CSMD1: variants seen among roughly 807,000 people sequenced by gnomAD.
CSMD1 encodes the protein CUB and sushi domain-containing protein 1.
A neutral mutation model predicts 417.5 loss-of-function variants in CSMD1; 213 were observed. That is an observed-to-expected ratio of 0.51 (90% CI 0.46 to 0.57). CSMD1 has a LOEUF of 0.57. CSMD1 is among the 20% of genes least tolerant of loss of function. The pLI is 0.00. For synonymous variants in CSMD1, 2,862 were observed against 1,736.8 expected (o/e 1.65, Z -16.11); for missense variants, 6,923 against 4,529.7 (o/e 1.53, Z -15.17).
intron 5 of CSMD1, among the ~76,000 whole-genome samples, chr8:3,941,828 C>T (rs998609035): frequency 2.0e-5 from 3 of 152,096 alleles, no homozygotes; most frequent in Admixed American, 6.6e-5. Flanking sequence ...AAAAATATAG[C>T]GCAATTCCTT....
intron 2 of CSMD1, among the ~76,000 whole-genome samples, chr8:4,450,888 G>T (rs548038829): frequency 3.9e-5 from 6 of 151,978 alleles, no homozygotes; most frequent in African/African-American, 1.5e-4. Context: ...ACCAGATTGC[G>T]CTAATATAAA....
intron 7 of CSMD1, among the ~76,000 whole-genome samples, chr8:3,659,406 T>A (rs1243605456): frequency 6.6e-6 from 1 of 152,230 alleles, no homozygotes; most frequent in Non-Finnish European, 1.5e-5. Flanking sequence ...GTAACGGGTC[T>A]CAGTGTTTAG....
At chr8:4,771,021 T>G (rs1316499664) in intron 1 of CSMD1, among the ~76,000 whole-genome samples, 2 of 152,152 alleles carry the variant, frequency 1.3e-5, no homozygotes, top group Non-Finnish European at 2.9e-5. Flanking sequence ...AAAAGGCAAC[T>G]TACAGATTCA....
intron 23 of CSMD1, among the ~76,000 whole-genome samples, chr8:3,313,172 G>A (rs973239354): frequency 1.3e-5 from 2 of 152,140 alleles, no homozygotes; most frequent in African/African-American, 4.8e-5. Flanking sequence ...AACTCTAGAA[G>A]AAAACCTAGG....
chr8:3,677,635 C>A (rs1228138220), intron 7 of CSMD1, among the ~76,000 whole-genome samples: 1 of 152,146 alleles, frequency 6.6e-6, no homozygotes, highest in Non-Finnish European at 1.5e-5. Flanking sequence ...TAAGCAAAAC[C>A]TCCAGCTATT....
intron 7 of CSMD1, among the ~76,000 whole-genome samples, chr8:3,707,569 G>C (rs964655041): frequency 2.0e-5 from 3 of 152,174 alleles, no homozygotes; most frequent in Admixed American, 6.5e-5. Context: ...CTCATCTCTC[G>C]TTTGTAAGAA....
Position 4,113,693 on chromosome 8 carries a change from C to G in CSMD1, c.416-81594G>C, listed in dbSNP as rs558356524. Among the ~76,000 whole-genome samples the G allele has an allele frequency of 3.6e-3, 555 of 152,200 alleles. 7 individuals carry two copies. Among genetic ancestry groups the G allele is most frequent in the Non-Finnish European group, 3.0e-3 (204 of 68,010 alleles). ...TGCTAGGATTACAGGCATGAGCCAC[C>G]GCGCCCAGCCAGTGCTACTCTTATA... On this transcript the variant is annotated intron_variant, in intron 3 of 69. Coordinates refer to ENST00000635120, the MANE Select transcript of CSMD1 (RefSeq NM_033225.6).
chr8:3,466,752 G>A (rs1056990223), intron 12 of CSMD1, among the ~76,000 whole-genome samples: 2 of 151,798 alleles, frequency 1.3e-5, no homozygotes, highest in African/African-American at 4.8e-5. Flanking sequence ...TATAATTTAT[G>A]AATAACTTTG....
At chr8:3,916,139 A>G (rs1808812519) in intron 5 of CSMD1, among the ~76,000 whole-genome samples, 1 of 152,096 alleles carries the variant, frequency 6.6e-6, no homozygotes, top group Admixed American at 6.6e-5. Context: ...TTTCAGTGAA[A>G]AAAAATGCTA....
chr8:3,834,949 C>T (rs528969281), intron 5 of CSMD1, among the ~76,000 whole-genome samples: 15 of 151,928 alleles, frequency 9.9e-5, no homozygotes, highest in African/African-American at 3.6e-4. Flanking sequence ...TTTAGGCAGT[C>T]AAAAAACACA....
chr8:4,217,757 G>A (rs3849841), intron 3 of CSMD1, among the ~76,000 whole-genome samples: 55,569 of 151,970 alleles, frequency 0.37, 10,719 homozygotes, highest in Admixed American at 0.53. Flanking sequence ...ATAGGATACT[G>A]GAACATTTAG....
At position 4,425,830 on chromosome 8, in the gene CSMD1, G is replaced by A. The variant is rs1158302079; in HGVS notation, c.303-5765C>T. Among the ~76,000 whole-genome samples, 3 of 151,876 alleles carry A rather than the reference G, an allele frequency of 2.0e-5. No homozygotes were observed. In the East Asian group the frequency reaches 5.8e-4, roughly 29 times the overall value. On this transcript the variant is annotated intron_variant, in intron 2 of 69. Coordinates refer to ENST00000635120, the MANE Select transcript of CSMD1 (RefSeq NM_033225.6). ...ATATTTGATGGTCCAGGGTAGTACG[G>A]GAATATTTTAGTATATGCAACGTTA...
At chr8:4,469,652 A>C (rs932049021) in intron 2 of CSMD1, among the ~76,000 whole-genome samples, 1 of 151,782 alleles carries the variant, frequency 6.6e-6, no homozygotes, top group Non-Finnish European at 1.5e-5. Flanking sequence ...GTGTCTCCCC[A>C]CCTCGTCTGG....
intron 12 of CSMD1, among the ~76,000 whole-genome samples, chr8:3,417,888 G>A (rs937388485): frequency 6.6e-6 from 1 of 152,082 alleles, no homozygotes; most frequent in Non-Finnish European, 1.5e-5. Flanking sequence ...ACATGCTCCC[G>A]GCATTACTGA....
chr8:3,582,560 A>G (rs549429076), intron 9 of CSMD1, among the ~76,000 whole-genome samples: 1 of 152,302 alleles, frequency 6.6e-6, no homozygotes, highest in South Asian at 2.1e-4. Context: ...TCATAACTGT[A>G]AATGTCTAAA....
intron 26 of CSMD1, among the ~76,000 whole-genome samples, chr8:3,257,718 C>G (rs776480558): frequency 2.0e-5 from 3 of 152,058 alleles, no homozygotes; most frequent in Non-Finnish European, 4.4e-5. Context: ...GGCCTAGAGC[C>G]TTGTTGGAGA....
At chr8:4,385,779 T>C (rs1195770661) in intron 3 of CSMD1, among the ~76,000 whole-genome samples, 1 of 152,046 alleles carries the variant, frequency 6.6e-6, no homozygotes, top group Non-Finnish European at 1.5e-5. Context: ...GTAATGGTTG[T>C]TTGTATTTGT....
intron 52 of CSMD1, among the ~76,000 whole-genome samples, chr8:3,002,182 C>T (rs577774890): frequency 2.6e-5 from 4 of 152,250 alleles, no homozygotes; most frequent in South Asian, 2.1e-4. Context: ...TTGATACAAG[C>T]GGAGAACGTC....
At chr8:4,437,276 T>C (rs1022556500) in intron 2 of CSMD1, among the ~76,000 whole-genome samples, 1 of 152,136 alleles carries the variant, frequency 6.6e-6, no homozygotes, top group African/African-American at 2.4e-5. Flanking sequence ...TAAACTTCCT[T>C]TTAAGTAACT....
Sources: gnomAD v4.1 joint callset for allele counts (sites outside exome capture counted in the v4.1 genomes callset) on GRCh38, gnomAD v4.1.1 for gene constraint, MANE v1.5 for transcripts, NCBI Gene and HGNC (gene_info 2026-07-23, HGNC 2026-07-21) for gene names.